The following FSHR variants were observed in gnomAD, a reference collection of about 807,000 sequenced individuals.
FSHR encodes the protein follicle stimulating hormone receptor.
A neutral mutation model predicts 52.1 loss-of-function variants in FSHR; 46 were observed. The ratio of observed to expected loss-of-function variants is 0.88; its 90% CI spans 0.70 to 1.13. FSHR has a LOEUF of 1.13. FSHR is among the 50% of genes most tolerant of loss of function. FSHR has a pLI of 0.00. For missense variants in FSHR, 964 were observed against 834.6 expected (o/e 1.16, Z -1.91); for synonymous variants, 399 against 309.6 (o/e 1.29, Z -3.03).
In FSHR at chr2:48,963,438, T is replaced by C. The variant is rs756806040; in HGVS notation, c.1383A>G (p.Thr461=). 6 of 1,614,016 alleles carry C rather than the reference T, an allele frequency of 3.7e-6. No individual in the cohort carries two copies. The highest frequency in any genetic ancestry group is 3.3e-5 in the South Asian group (3 of 91,084). ...TATGCCATCTTTCCAAGGTGATAGC[T>C]GTCAGAGTGTAGACTGACAGCTCAC... The part of the protein sequence containing the change: ...FASELSVYTL[T]AITLERWHTI... Residue 461 remains threonine (T), a synonymous_variant, in exon 10 of 10, where the codon ACA becomes ACG. Transcript: ENST00000406846.
chr2:49,012,317 T>C (rs1034620523), intron 4 of FSHR, among the ~76,000 whole-genome samples: 6 of 152,094 alleles, frequency 3.9e-5, no homozygotes, highest in Non-Finnish European at 8.8e-5. Context: ...GAAAGAAATA[T>C]TGCCTGTAAA....
At chr2:49,092,273 C>A (rs1404917534) in intron 1 of FSHR, among the ~76,000 whole-genome samples, 2 of 152,082 alleles carry the variant, frequency 1.3e-5, no homozygotes, top group African/African-American at 4.8e-5. Context: ...TTTTTGGAGA[C>A]CCATTGCGTG....
At chr2:49,097,457 A>T (rs1004367155) in intron 1 of FSHR, among the ~76,000 whole-genome samples, 2 of 152,222 alleles carry the variant, frequency 1.3e-5, no homozygotes, top group African/African-American at 4.8e-5. Context: ...AAAGGTTTCC[A>T]CAGCAGAGAA....
intron 2 of FSHR, among the ~76,000 whole-genome samples, chr2:49,058,192 G>T (rs944494576): frequency 2.6e-5 from 4 of 152,282 alleles, no homozygotes; most frequent in South Asian, 4.2e-4. Flanking sequence ...AGGAAGAAAT[G>T]AAGGGCATCC....
At chr2:48,978,043 C>T (rs898342763) in intron 8 of FSHR, among the ~76,000 whole-genome samples, 2 of 152,116 alleles carry the variant, frequency 1.3e-5, no homozygotes, top group East Asian at 3.9e-4. Flanking sequence ...AGTGGATACC[C>T]CATGGGATTA....
intron 1 of FSHR, among the ~76,000 whole-genome samples, chr2:49,110,470 C>T (rs886156153): frequency 2.0e-5 from 3 of 151,998 alleles, no homozygotes; most frequent in African/African-American, 7.3e-5. Flanking sequence ...CTACATCCAC[C>T]GATATTCCAT....
intron 1 of FSHR, among the ~76,000 whole-genome samples, chr2:49,074,837 G>A (rs1200268383): frequency 6.6e-6 from 1 of 152,068 alleles, no homozygotes; most frequent in East Asian, 1.9e-4. Context: ...ATACTATTTA[G>A]CCATAGAATA....
intron 1 of FSHR, among the ~76,000 whole-genome samples, chr2:49,076,562 C>T (rs1558427079): frequency 6.6e-6 from 1 of 152,264 alleles, no homozygotes; most frequent in South Asian, 2.1e-4. Flanking sequence ...TCCCAAATCT[C>T]ATGTCCTTAC....
At chr2:49,129,013 A>G (rs1170284496) in intron 1 of FSHR, among the ~76,000 whole-genome samples, 1 of 151,188 alleles carries the variant, frequency 6.6e-6, no homozygotes, top group Non-Finnish European at 1.5e-5. Context: ...TCGTTAAAGC[A>G]TATGAATCAT....
At chr2:49,012,259 C>G (rs543148703) in intron 4 of FSHR, among the ~76,000 whole-genome samples, 1 of 152,206 alleles carries the variant, frequency 6.6e-6, no homozygotes, top group East Asian at 1.9e-4. Flanking sequence ...GATCAATAGA[C>G]AATCTTTCAT....
intron 4 of FSHR, among the ~76,000 whole-genome samples, chr2:49,006,045 A>G (rs1168223795): frequency 6.6e-6 from 1 of 152,062 alleles, no homozygotes; most frequent in Non-Finnish European, 1.5e-5. Flanking sequence ...CAGGCTGGAT[A>G]CTTCCTGTCC....
chr2:49,035,809 T>G (rs1039946026), intron 2 of FSHR, among the ~76,000 whole-genome samples: 3 of 152,148 alleles, frequency 2.0e-5, no homozygotes, highest in African/African-American at 7.2e-5. Context: ...CTACAGTCCT[T>G]AAAGCATGAG....
At chr2:48,984,571 GT>G (rs1351211902) in intron 6 of FSHR, among the ~76,000 whole-genome samples, 2 of 137,094 alleles carry the variant, frequency 1.5e-5, no homozygotes, top group African/African-American at 5.0e-5. Context: ...CAAATTCAAA[GT>G]GTAATAATTG....
chr2:48,963,692 T>C lies in FSHR; in HGVS notation c.1129A>G (p.Ile377Val), dbSNP rs753820515. The C allele has an allele frequency of 1.2e-6, 2 of 1,614,224 alleles. No homozygotes were observed. Among genetic ancestry groups the C allele is most frequent in the Non-Finnish European group, 8.5e-7 (1 of 1,180,030 alleles). Residue 377 changes from isoleucine to valine, a missense_variant, in exon 10 of 10, where the codon ATC (isoleucine) becomes GTC (valine). Ile to Val is a conservative substitution (Grantham distance 29). Transcript: ENST00000406846. ...VLIWFISILAITGNIIVLVIL... is the reference protein window; with the variant it reads ...VLIWFISILAVTGNIIVLVIL... ...ACTAGCACTATGATGTTCCCAGTGA[T>C]GGCCAGGATGCTGATAAACCATATC... is the stretch of plus-strand genomic sequence containing the variant.
chr2:48,989,867 T>C (rs573176504), intron 5 of FSHR, among the ~76,000 whole-genome samples: 1 of 152,296 alleles, frequency 6.6e-6, no homozygotes, highest in East Asian at 1.9e-4. Flanking sequence ...TGATCTAATA[T>C]GGAGAAGTAA....
chr2:49,071,533 A>C (rs1385430543), intron 1 of FSHR, among the ~76,000 whole-genome samples: 1 of 152,224 alleles, frequency 6.6e-6, no homozygotes. Context: ...AAGAAAATTT[A>C]ATCCAGGAGG....
intron 1 of FSHR, among the ~76,000 whole-genome samples, chr2:49,083,165 G>A (rs1670243307): frequency 6.6e-6 from 1 of 151,920 alleles, no homozygotes; most frequent in Non-Finnish European, 1.5e-5. Flanking sequence ...AACTCTACAA[G>A]CCAGAAGAGA....
intron 2 of FSHR, among the ~76,000 whole-genome samples, chr2:49,055,754 T>A (rs1031197248): frequency 1.3e-5 from 2 of 151,832 alleles, no homozygotes; most frequent in African/African-American, 4.8e-5. Context: ...TAGGATGATA[T>A]ATTCAAAGTA....
At chr2:49,078,128 T>G (rs1381194960) in intron 1 of FSHR, among the ~76,000 whole-genome samples, 2 of 152,202 alleles carry the variant, frequency 1.3e-5, no homozygotes, top group Non-Finnish European at 2.9e-5. Context: ...TTTCTGAGAC[T>G]GGGCAATTTA....
Sources: allele counts gnomAD v4.1 joint callset (sites outside exome capture counted in the v4.1 genomes callset), GRCh38; gene constraint gnomAD v4.1.1; transcripts MANE v1.5; gene names NCBI Gene and HGNC (gene_info 2026-07-23, HGNC 2026-07-21).